The following HEATR3 variants were observed in gnomAD, a reference collection of about 807,000 sequenced individuals.
The protein encoded by HEATR3 is HEAT repeat containing 3.
HEATR3 carries 56 observed loss-of-function variants against 72.8 expected under a neutral mutation model. The observed-to-expected ratio is 0.77, with a 90% CI of 0.62 to 0.96. HEATR3 has a LOEUF of 0.96. Among genes scored for constraint, HEATR3 ranks in the 40% least tolerant of loss-of-function variants. The pLI, the probability that HEATR3 is intolerant of heterozygous loss-of-function variation, is 0.00. For missense variants in HEATR3, 747 were observed against 831.4 expected, an observed-to-expected ratio of 0.90 and a Z score of 1.25; for synonymous variants, 331 against 318.1, an observed-to-expected ratio of 1.04 and a Z score of -0.43.
intron 6 of HEATR3, among the ~76,000 whole-genome samples, chr16:50,077,192 A>G (rs1163864974): frequency 6.8e-6 from 1 of 147,756 alleles, no homozygotes; most frequent in African/African-American, 2.5e-5. Flanking sequence ...TTATTTTTTT[A>G]GTAGAGACGA....
intron 4 of HEATR3, 148 bp downstream of exon 4, chr16:50,070,438 G>A (rs549808343): frequency 8.0e-5 from 30 of 375,782 alleles, no homozygotes; most frequent in African/African-American, 6.0e-4. Context: ...GGTGGCTCAT[G>A]CCTGTAATCC....
chr16:50,070,040 T>G (rs1861967506), intron 3 of HEATR3, 138 bp from the exon 4 acceptor site: 1 of 487,458 alleles, frequency 2.1e-6, no homozygotes. Flanking sequence ...GATTTTGTAC[T>G]ACTGTTTGTA....
intron 14 of HEATR3, among the ~76,000 whole-genome samples, chr16:50,104,222 C>T (rs1395215484): frequency 2.6e-5 from 4 of 151,964 alleles, no homozygotes; most frequent in African/African-American, 7.3e-5. Context: ...CATGGTAGTG[C>T]GCTGCTTGTA....
intron 11 of HEATR3, among the ~76,000 whole-genome samples, chr16:50,088,093 C>T (rs927982591): frequency 1.1e-4 from 16 of 152,172 alleles, no homozygotes; most frequent in African/African-American, 3.9e-4. Context: ...CGCCATTGCA[C>T]TCCAGCCTGG....
chr16:50,079,127 G>A lies in HEATR3; in HGVS notation c.1041+109G>A, dbSNP rs1009767713. Reference sequence around the variant, plus strand: ...GTTATAGCAAAATTAGCTATAAAGTGCGTTTTGGTAAAAATGAGTCATATT... The same window carrying A: ...GTTATAGCAAAATTAGCTATAAAGTACGTTTTGGTAAAAATGAGTCATATT... On this transcript the variant is annotated intron_variant, in intron 7 of 14. Transcript: ENST00000299192. The A allele has an allele frequency of 2.4e-5, 26 of 1,101,400 alleles. 1 individual carries two copies. The Admixed American group carries it at 3.4e-4, about 14-fold the overall frequency. 68.2% of individuals were successfully genotyped at this position (1,101,400 alleles called of 1,614,324 possible).
Position 50,083,933 on chromosome 16 carries a change from TAAGCC to T in HEATR3, c.1042-3_1043del. The T allele has an allele frequency of 1.3e-6, 2 of 1,490,354 alleles. No homozygotes were observed. Among genetic ancestry groups the T allele is most frequent in the Admixed American group, 4.1e-5 (2 of 48,804 alleles). The allele number at this position is 1,490,354 out of a possible 1,614,324, so 92.3% of individuals were successfully genotyped here. A position where few individuals can be genotyped will look rare whatever the true frequency, so the allele number is the denominator to read the frequency against. The stretch of plus-strand genomic sequence containing the variant: ...GGTCATTTACTTTTTTTTTTTTTTT[TAAGCC>T]CACTGACAAGGAACTGAGAGAGACT... On this transcript the variant is annotated splice_acceptor_variant and splice_polypyrimidine_tract_variant and coding_sequence_variant and intron_variant, in exon 8 of 15. Coordinates refer to ENST00000299192, the MANE Select transcript of HEATR3 (RefSeq NM_182922.4). LOFTEE classifies it high-confidence loss of function.
In HEATR3 at chr16:50,084,010, A is replaced by G. The variant is rs753915668; in HGVS notation, c.1115A>G (p.Asn372Ser). ...CAGACTGCTCTGGAAATTATTGTCA[A>G]CATGTGCTGCAATGAAGGTTTGTTA... ...AQQTALEIIVNMCCNEDPSDD... is the reference protein window; with the variant it reads ...AQQTALEIIVSMCCNEDPSDD... The change falls in exon 8 of 15, where the codon AAC becomes AGC. Residue 372 changes from asparagine to serine, a missense_variant. Physicochemically the swap from Asn to Ser is conservative, Grantham distance 46. Transcript: ENST00000299192. The G allele has an allele frequency of 1.2e-6, 2 of 1,614,030 alleles. No homozygotes were observed. Among genetic ancestry groups the G allele is most frequent in the South Asian group, 1.1e-5 (1 of 91,084 alleles).
Position 50,066,016 on chromosome 16 carries a change from A to T in HEATR3, c.-116A>T, listed in dbSNP as rs1386285994. On this transcript the variant is annotated 5_prime_UTR_variant, in exon 1 of 15. Transcript: ENST00000299192. ...CGCACGGCTTGCCCATGTGTGCTGC[A>T]GCCGTCAGCCGGCCCAGCTGAGCAG... The T allele has an allele frequency of 4.4e-6, 4 of 905,740 alleles. No individual in the cohort carries two copies. Among genetic ancestry groups the T allele is most frequent in the Non-Finnish European group, 5.9e-6 (4 of 680,600 alleles). 56.1% of individuals were successfully genotyped at this position (905,740 alleles called of 1,614,324 possible). A position where few individuals can be genotyped will look rare whatever the true frequency, so the allele number is the denominator to read the frequency against.
intron 2 of HEATR3, among the ~76,000 whole-genome samples, chr16:50,068,310 T>C (rs953994452): frequency 6.6e-6 from 1 of 152,138 alleles, no homozygotes; most frequent in African/African-American, 2.4e-5. Flanking sequence ...CTTTTTATTT[T>C]ATTTTATTTT....
At chr16:50,077,877 AT>A (rs56374170) in intron 6 of HEATR3, among the ~76,000 whole-genome samples, 4 of 104,342 alleles carry the variant, frequency 3.8e-5, no homozygotes, top group African/African-American at 7.5e-5. Flanking sequence ...AATGGATGTA[AT>A]TTTTTTTTTT....
intron 13 of HEATR3, among the ~76,000 whole-genome samples, chr16:50,101,485 G>A (rs185421986): frequency 5.1e-4 from 78 of 152,226 alleles, no homozygotes; most frequent in African/African-American, 1.6e-3. Context: ...AAAATTATCT[G>A]TTTACAGAGA....
chr16:50,091,483 T>A (rs1013547351), intron 11 of HEATR3, among the ~76,000 whole-genome samples: 5 of 150,972 alleles, frequency 3.3e-5, no homozygotes, highest in Non-Finnish European at 5.9e-5. Context: ...ATAATAATAA[T>A]AAAAAAATTT....
rs1165253955 is a variant in HEATR3 at position 50,092,438 on chromosome 16, T to TTTTTTC, written c.1511-2262_1511-2261insCTTTTT. Among the ~76,000 whole-genome samples the TTTTTTC allele has an allele frequency of 4.5e-4, 38 of 85,378 alleles. 2 individuals are homozygous for TTTTTTC. The highest frequency in any genetic ancestry group is 1.8e-3 in the African/African-American group (36 of 19,588). The allele number at this position is 85,378 out of a possible 152,430, so 56.0% of individuals were successfully genotyped here. A position where few individuals can be genotyped will look rare whatever the true frequency, so the allele number is the denominator to read the frequency against. On this transcript the variant is annotated intron_variant, in intron 11 of 14. Coordinates refer to ENST00000299192, the MANE Select transcript of HEATR3 (RefSeq NM_182922.4). The stretch of plus-strand genomic sequence containing the variant: ...TCATTCTTTTTTTTTTCTTTTTTCT[T>TTTTTTC]TTTTTTTTTTTTTTCCTGAGACGAG...
intron 12 of HEATR3, among the ~76,000 whole-genome samples, chr16:50,095,241 G>A (rs1459112179): frequency 2.0e-5 from 3 of 151,812 alleles, no homozygotes; most frequent in African/African-American, 7.3e-5. Context: ...AGCCACCCAA[G>A]TAAATGGGAT....
chr16:50,088,410 C>T (rs531669950), intron 11 of HEATR3, among the ~76,000 whole-genome samples: 2 of 152,306 alleles, frequency 1.3e-5, no homozygotes, highest in South Asian at 4.1e-4. Context: ...CCTGGCTGTG[C>T]ATTCATTGGC....
chr16:50,069,948 T>C (rs1012158325), intron 3 of HEATR3, among the ~76,000 whole-genome samples: 2 of 152,204 alleles, frequency 1.3e-5, no homozygotes, highest in Non-Finnish European at 2.9e-5. Flanking sequence ...AAACAGAAGG[T>C]GCTAGGTAGA....
intron 6 of HEATR3, 96 bp from the exon 7 acceptor site, chr16:50,078,645 A>C: frequency 7.9e-7 from 1 of 1,267,052 alleles, no homozygotes; most frequent in South Asian, 1.6e-5. Flanking sequence ...ATTTTTTGAA[A>C]TTACACTGGC....
intron 4 of HEATR3, among the ~76,000 whole-genome samples, chr16:50,070,512 C>T (rs1432612867): frequency 6.6e-6 from 1 of 152,038 alleles, no homozygotes; most frequent in Admixed American, 6.6e-5. Flanking sequence ...CCAGCCTGGC[C>T]AACACTGTGA....
At chr16:50,075,399 T>A (rs1295522855) in intron 5 of HEATR3, among the ~76,000 whole-genome samples, 172 bp from the exon 6 acceptor site, 1 of 152,150 alleles carries the variant, frequency 6.6e-6, no homozygotes, top group African/African-American at 2.4e-5. Flanking sequence ...ACTGATAGTT[T>A]GGGAAGCCTC....
Sources: gnomAD v4.1 joint callset for allele counts (sites outside exome capture counted in the v4.1 genomes callset) on GRCh38, gnomAD v4.1.1 for gene constraint, MANE v1.5 for transcripts, NCBI Gene and HGNC (gene_info 2026-07-23, HGNC 2026-07-21) for gene names.